The following ZNF462 variants were observed in gnomAD, a reference collection of about 807,000 sequenced individuals.
The protein encoded by ZNF462 is zinc finger PBX1-interacting protein.
ZNF462 carries 10 observed loss-of-function variants against 201.9 expected under a neutral mutation model. The observed-to-expected ratio is 0.05, with a 90% CI of 0.03 to 0.08. The LOEUF (loss-of-function observed/expected upper bound fraction) is 0.08. ZNF462 is among the 10% of genes least tolerant of loss of function. The probability of loss-of-function intolerance (pLI) is 1.00; values close to 1 mark genes in which losing one functional copy is unlikely to be tolerated. For missense variants in ZNF462, 2,523 were observed against 3,168.3 expected (o/e 0.80, Z 4.89); for synonymous variants, 1,227 against 1,193.3 (o/e 1.03, Z -0.58).
At chr9:106,871,701 C>T (rs1445383047) in intron 1 of ZNF462, among the ~76,000 whole-genome samples, 1 of 152,154 alleles carries the variant, frequency 6.6e-6, no homozygotes, top group African/African-American at 2.4e-5. Flanking sequence ...ACAATTACAG[C>T]CTTTCTGATA....
In ZNF462 at chr9:106,963,612, T is replaced by C. The variant is rs1831937797; in HGVS notation, c.6428-8393T>C. 6.6e-6 allele frequency among the ~76,000 whole-genome samples: 1 copy of C among 152,014 alleles called. No homozygotes were observed. The highest frequency in any genetic ancestry group is 2.4e-5 in the African/African-American group (1 of 41,380). On this transcript the variant is annotated intron_variant, in intron 7 of 12. Transcript: ENST00000277225. The surrounding 1 kb of genome is among the most constrained non-coding windows in gnomAD (Gnocchi z 4.7). ...TACCATCATTAAGTATTTATGGTGA[T>C]AATTAAAGTTTATGAAGTTTGTAAG...
At chr9:106,980,904 T>G (rs1405990531) in intron 9 of ZNF462, among the ~76,000 whole-genome samples, 1 of 152,190 alleles carries the variant, frequency 6.6e-6, no homozygotes, top group African/African-American at 2.4e-5. Flanking sequence ...GCACTGAGCT[T>G]CTGTAACCAA....
In ZNF462 at chr9:106,977,286, C is replaced by T. The variant is rs999174117; in HGVS notation, c.6832+3013C>T. Among the ~76,000 whole-genome samples the T allele has an allele frequency of 6.8e-6, 1 of 147,296 alleles. No individual in the cohort carries two copies. Among genetic ancestry groups the T allele is most frequent in the African/African-American group, 2.7e-5 (1 of 36,850 alleles). ...CTTCTGCACCTGTCCTCTTCCTGCT[C>T]TATCCATGACATCCTTGGTCTCTCA... is the stretch of plus-strand genomic sequence containing the variant. On this transcript the variant is annotated intron_variant, in intron 9 of 12. Transcript: ENST00000277225. This position sits in a 1 kb window ranked among gnomAD's most constrained non-coding sequence, Gnocchi z 4.6.
intron 10 of ZNF462, among the ~76,000 whole-genome samples, chr9:106,989,570 G>A (rs750290110): frequency 6.6e-6 from 1 of 151,950 alleles, no homozygotes; most frequent in African/African-American, 2.4e-5. Context: ...ATTAGGGAGG[G>A]TTCCCTCTTT....
chr9:106,939,153 T>A, intron 7 of ZNF462, 46 bp downstream of exon 7: 1 of 1,449,288 alleles, frequency 6.9e-7, no homozygotes, highest in Non-Finnish European at 9.2e-7. Context: ...AGGGTTGAGG[T>A]GGGCTGGGAT....
At chr9:106,931,423 T>G (rs551148959) in intron 4 of ZNF462, among the ~76,000 whole-genome samples, 14 of 152,218 alleles carry the variant, frequency 9.2e-5, no homozygotes, top group Admixed American at 3.9e-4. Flanking sequence ...TTCTGCCCTT[T>G]CTCTAAGGGT....
intron 1 of ZNF462, among the ~76,000 whole-genome samples, chr9:106,908,337 G>A (rs1829361195): frequency 6.6e-6 from 1 of 151,848 alleles, no homozygotes; most frequent in Admixed American, 6.6e-5. Flanking sequence ...TTATTTATTT[G>A]GTGCTGCTAG....
In ZNF462 at chr9:106,927,026, A is replaced by G. The variant is rs2131478144; in HGVS notation, c.3114A>G (p.Ala1038=). 6.2e-7 allele frequency: 1 copy of G among 1,614,172 alleles called. No homozygotes were observed. Among genetic ancestry groups the G allele is most frequent in the African/African-American group, 1.3e-5 (1 of 75,046 alleles). Residue 1038 remains alanine, a synonymous_variant, in exon 3 of 13, where the codon GCA becomes GCG. Coordinates refer to ENST00000277225, the MANE Select transcript of ZNF462 (RefSeq NM_021224.6). ...ATGATTGTGATGTTTGTTCGTTTGC[A>G]AGCCCCAACATGCATTCTGTCTTGG... The part of the protein sequence containing the change: ...VVYDCDVCSF[A]SPNMHSVLVH...
At chr9:106,953,247 G>A (rs1004160750) in intron 7 of ZNF462, among the ~76,000 whole-genome samples, 6 of 152,030 alleles carry the variant, frequency 3.9e-5, no homozygotes, top group Admixed American at 3.3e-4. Flanking sequence ...GATCTAATAC[G>A]GGCTAACTGC....
At chr9:106,899,992 C>A (rs898841002) in intron 1 of ZNF462, among the ~76,000 whole-genome samples, 1 of 142,170 alleles carries the variant, frequency 7.0e-6, no homozygotes, top group Non-Finnish European at 1.5e-5. Context: ...CTCTTGCCCC[C>A]CTCCCACTCT....
rs546018005 is a variant in ZNF462 at position 106,945,123 on chromosome 9, A to G, written c.6427+6016A>G. Among the ~76,000 whole-genome samples the G allele has an allele frequency of 3.3e-5, 5 of 152,336 alleles. No homozygotes were observed. The South Asian group carries it at 8.3e-4, about 25-fold the overall frequency. ...TTAATAAATGTCATTCTGAGCCTTT[A>G]TATTTAACATATGGAATACTCCTAG... On this transcript the variant is annotated intron_variant, in intron 7 of 12. Coordinates refer to ENST00000277225, the MANE Select transcript of ZNF462 (RefSeq NM_021224.6).
At chr9:106,878,793 T>C (rs1054684624) in intron 1 of ZNF462, among the ~76,000 whole-genome samples, 2 of 152,222 alleles carry the variant, frequency 1.3e-5, no homozygotes, top group Admixed American at 1.3e-4. Context: ...CTGCTAACCA[T>C]ATAGTCAGTG....
chr9:106,904,640 CTTT>C (rs1328104442), intron 1 of ZNF462, among the ~76,000 whole-genome samples: 3 of 152,080 alleles, frequency 2.0e-5, no homozygotes, highest in Non-Finnish European at 4.4e-5. Context: ...TATTCTTTTT[CTTT>C]GTCTTTGTTG....
intron 1 of ZNF462, among the ~76,000 whole-genome samples, chr9:106,904,368 C>T (rs899974959): frequency 2.0e-5 from 3 of 152,110 alleles, no homozygotes; most frequent in African/African-American, 7.2e-5. Flanking sequence ...AAGATTCTTT[C>T]CTTTGTCTTA....
intron 7 of ZNF462, among the ~76,000 whole-genome samples, chr9:106,958,360 T>C (rs529434494): frequency 6.6e-6 from 1 of 152,232 alleles, no homozygotes; most frequent in African/African-American, 2.4e-5. Context: ...AAGCTGTTCA[T>C]TGGGCCCTGC....
In ZNF462 at chr9:106,890,700, C is replaced by T. The variant is rs1828538612; in HGVS notation, c.-31+27345C>T. Among the ~76,000 whole-genome samples, 1 of 152,150 alleles carries T rather than the reference C, an allele frequency of 6.6e-6. No homozygotes were observed. The highest frequency in any genetic ancestry group is 6.5e-5 in the Admixed American group (1 of 15,274). On this transcript the variant is annotated intron_variant, in intron 1 of 12. Coordinates refer to ENST00000277225, the MANE Select transcript of ZNF462 (RefSeq NM_021224.6). This position sits in a 1 kb window ranked among gnomAD's most constrained non-coding sequence, Gnocchi z 4.2. Reference sequence around the variant, plus strand: ...CTGATATGGAATTTTGGAGGTCATTCCCTGCCTTTGTCCTCTGCTCTAAGG... The same window carrying T: ...CTGATATGGAATTTTGGAGGTCATTTCCTGCCTTTGTCCTCTGCTCTAAGG...
At chr9:106,899,235 T>TGGGGGGGGGGGG in intron 1 of ZNF462, among the ~76,000 whole-genome samples, 1 of 39,970 alleles carries the variant, frequency 2.5e-5, no homozygotes, top group Admixed American at 4.0e-4. Flanking sequence ...TATGTGTGTG[T>TGGGGGGGGGGGG]GTGTGGGGGG....
intron 8 of ZNF462, among the ~76,000 whole-genome samples, 185 bp from the exon 9 acceptor site, chr9:106,973,952 T>C (rs1035027639): frequency 6.6e-6 from 1 of 152,042 alleles, no homozygotes; most frequent in Middle Eastern, 3.2e-3. Flanking sequence ...CATTTGACAG[T>C]GTTCAGATTC....
At chr9:106,900,205 TGTG>T (rs1829001239) in intron 1 of ZNF462, among the ~76,000 whole-genome samples, 1 of 5,598 alleles carries the variant, frequency 1.8e-4, no homozygotes, top group Non-Finnish European at 3.4e-4. Flanking sequence ...TATTCCATCG[TGTG>T]TGTGTGTGTG....
Sources: gnomAD v4.1 joint callset for allele counts (sites outside exome capture counted in the v4.1 genomes callset) on GRCh38, gnomAD v4.1.1 for gene constraint, Gnocchi (gnomAD v3.1) non-coding constraint, MANE v1.5 for transcripts, NCBI Gene and HGNC (gene_info 2026-07-23, HGNC 2026-07-21) for gene names.